The following ANO2 variants were observed in gnomAD, a reference collection of about 807,000 sequenced individuals.
ANO2 encodes the protein anoctamin-2.
ANO2 carries 101 observed loss-of-function variants against 124.2 expected under a neutral mutation model. The observed-to-expected ratio is 0.81, with a 90% CI of 0.69 to 0.96. The LOEUF is 0.96. Ranked by LOEUF, ANO2 falls within the 40% of genes least tolerant of loss-of-function variation. The pLI is 0.00. For missense variants in ANO2, 1,293 were observed against 1,274.5 expected (o/e 1.01, Z -0.22); for synonymous variants, 486 against 482.5 (o/e 1.01, Z -0.09).
chr12:5,698,633 C>T (rs1056674041), intron 14 of ANO2, among the ~76,000 whole-genome samples: 5 of 152,068 alleles, frequency 3.3e-5, no homozygotes, highest in Admixed American at 6.6e-5. Flanking sequence ...AGGCTTCAGA[C>T]AATCAAATTT....
At chr12:5,848,504 T>C (rs528672308) in intron 4 of ANO2, among the ~76,000 whole-genome samples, 28 of 152,252 alleles carry the variant, frequency 1.8e-4, no homozygotes, top group African/African-American at 4.8e-4. Context: ...GAGCCAATAG[T>C]GGAACTCAAG....
chr12:5,778,970 T>C (rs534196665), intron 10 of ANO2, among the ~76,000 whole-genome samples: 137 of 152,326 alleles, frequency 9.0e-4, no homozygotes, highest in African/African-American at 3.0e-3. Context: ...TTCTGCATTA[T>C]TCAAGAAACA....
intron 20 of ANO2, among the ~76,000 whole-genome samples, chr12:5,586,392 G>A (rs1259408601): frequency 1.3e-5 from 2 of 152,240 alleles, no homozygotes; most frequent in Non-Finnish European, 2.9e-5. Context: ...CCAGTGGAAT[G>A]ACTCAGCGTG....
chr12:5,730,854 T>G (rs1057488198), intron 14 of ANO2, among the ~76,000 whole-genome samples: 1 of 152,240 alleles, frequency 6.6e-6, no homozygotes, highest in Non-Finnish European at 1.5e-5. Context: ...CATAAGGCAT[T>G]AGATGCTTTG....
intron 3 of ANO2, among the ~76,000 whole-genome samples, chr12:5,895,815 T>C (rs1376638144): frequency 6.6e-6 from 1 of 151,920 alleles, no homozygotes; most frequent in Non-Finnish European, 1.5e-5. Context: ...AAAGTCATTA[T>C]ATGAAAAACA....
Position 5,873,196 on chromosome 12 carries a change from G to GCTCGCTCTCTCTCT in ANO2, c.535-19056_535-19055insAGAGAGAGAGCGAG, listed in dbSNP as rs1393522452. Among the ~76,000 whole-genome samples, 111 of 119,042 alleles carry GCTCGCTCTCTCTCT rather than the reference G, an allele frequency of 9.3e-4. 1 individual carries two copies. Among genetic ancestry groups the GCTCGCTCTCTCTCT allele is most frequent in the Non-Finnish European group, 1.4e-3 (80 of 57,146 alleles). The allele number at this position is 119,042 out of a possible 152,430, so 78.1% of individuals were successfully genotyped here. On this transcript the variant is annotated intron_variant, in intron 3 of 24. Coordinates refer to ENST00000682330, the MANE Select transcript of ANO2 (RefSeq NM_001364791.2). ...AACTTTGTTACTTTTGCCTAAAGCA[G>GCTCGCTCTCTCTCT]CTCTCTCTCTCTCTCTCTCTCTCTC...
chr12:5,615,347 C>T (rs772572985), intron 16 of ANO2, 50 bp from the exon 17 acceptor site: 1 of 1,450,478 alleles, frequency 6.9e-7, no homozygotes, highest in African/African-American at 1.4e-5. Context: ...TTTCTCACCT[C>T]TCCAGAGTTT....
rs569255760 is a variant in ANO2 at position 5,575,978 on chromosome 12, C to A, written c.2477G>T (p.Arg826Leu). 2.8e-5 allele frequency: 45 copies of A among 1,611,678 alleles called. No individual in the cohort carries two copies. Among genetic ancestry groups the A allele is most frequent in the Non-Finnish European group, 3.7e-5 (44 of 1,178,886 alleles). The change falls in exon 23 of 25, where the codon CGC becomes CTC. Residue 826 changes from arginine (R) to leucine (L), a missense_variant. Transcript: ENST00000682330. ...ACTGTAGGAGTACTGGTACACCAGG[C>A]GGGGGATAAAGTCGGAGGTGATCGC... is the stretch of plus-strand genomic sequence containing the variant. ...VIAITSDFIP[R>L]LVYQYSYSHN...
chr12:5,694,126 A>G (rs145171765), intron 14 of ANO2, among the ~76,000 whole-genome samples: 6 of 152,078 alleles, frequency 3.9e-5, no homozygotes, highest in African/African-American at 1.4e-4. Flanking sequence ...AAGGTGGCCA[A>G]TTTACCAGCT....
intron 4 of ANO2, among the ~76,000 whole-genome samples, chr12:5,852,221 T>C (rs568089433): frequency 1.3e-5 from 2 of 151,888 alleles, no homozygotes; most frequent in East Asian, 3.9e-4. Flanking sequence ...GAAGCAGAGA[T>C]CCAAAACAAA....
intron 1 of ANO2, among the ~76,000 whole-genome samples, chr12:5,943,340 C>G (rs971078480): frequency 6.7e-6 from 1 of 150,292 alleles, no homozygotes; most frequent in African/African-American, 2.5e-5. Context: ...TGAAAAGAAA[C>G]AAAATAAGTC....
At chr12:5,684,193 T>G (rs545204203) in intron 14 of ANO2, among the ~76,000 whole-genome samples, 1 of 152,274 alleles carries the variant, frequency 6.6e-6, no homozygotes, top group African/African-American at 2.4e-5. Flanking sequence ...CACCAAGATC[T>G]GTCAGCAAGC....
intron 20 of ANO2, among the ~76,000 whole-genome samples, chr12:5,584,395 T>C (rs1160048142): frequency 5.3e-5 from 8 of 152,148 alleles, no homozygotes. Context: ...TTGTGGCCCT[T>C]GGAGAAGGCT....
At chr12:5,583,868 C>T (rs1276759703) in intron 20 of ANO2, 7 of 194,636 alleles carry the variant, frequency 3.6e-5, no homozygotes, top group Non-Finnish European at 6.7e-5. Context: ...TCATGGTGAA[C>T]AAAGATGGCA....
intron 1 of ANO2, among the ~76,000 whole-genome samples, chr12:5,941,271 T>C (rs897485134): frequency 6.6e-6 from 1 of 152,186 alleles, no homozygotes; most frequent in Non-Finnish European, 1.5e-5. Flanking sequence ...TGTATCTCAA[T>C]AAAGCTGTTT....
intron 4 of ANO2, among the ~76,000 whole-genome samples, chr12:5,850,968 A>G (rs1225297337): frequency 6.6e-6 from 1 of 152,232 alleles, no homozygotes; most frequent in Non-Finnish European, 1.5e-5. Context: ...GTATGCCCAT[A>G]TCATAGATGA....
chr12:5,695,185 A>G (rs1949116660), intron 14 of ANO2, among the ~76,000 whole-genome samples: 1 of 152,076 alleles, frequency 6.6e-6, no homozygotes, highest in Non-Finnish European at 1.5e-5. Context: ...AGTAGAGAGC[A>G]CTCCAAGCAC....
At chr12:5,664,183 C>T (rs1591844752) in intron 14 of ANO2, among the ~76,000 whole-genome samples, 1 of 152,316 alleles carries the variant, frequency 6.6e-6, no homozygotes, top group East Asian at 1.9e-4. Context: ...TGTGCTAGAA[C>T]AATGACCCTA....
Position 5,578,263 on chromosome 12 carries a change from G to A in ANO2, c.2386+103C>T. 4.7e-6 allele frequency: 7 copies of A among 1,482,288 alleles called. No individual in the cohort carries two copies. The South Asian group carries it at 6.6e-5, about 14-fold the overall frequency. 91.8% of individuals were successfully genotyped at this position (1,482,288 alleles called of 1,614,324 possible). A position where few individuals can be genotyped will look rare whatever the true frequency, so the allele number is the denominator to read the frequency against. ...GGATGAGGGACCCAAAGGGAAGAGG[G>A]GCTTTCCCAGCCCTCTTGATTCCTG... On this transcript the variant is annotated intron_variant, in intron 21 of 24. Coordinates refer to ENST00000682330, the MANE Select transcript of ANO2 (RefSeq NM_001364791.2).
Sources: allele counts gnomAD v4.1 joint callset (sites outside exome capture counted in the v4.1 genomes callset), GRCh38; gene constraint gnomAD v4.1.1; transcripts MANE v1.5; gene names NCBI Gene and HGNC (gene_info 2026-07-23, HGNC 2026-07-21).